The following LEPR variants were observed in gnomAD, a reference collection of about 807,000 sequenced individuals.
The protein encoded by LEPR is leptin receptor, also known as OB receptor.
Under a neutral mutation model 114.7 loss-of-function variants are expected in LEPR, and 56 were observed. The ratio of observed to expected loss-of-function variants is 0.49; its 90% CI spans 0.39 to 0.61. The LOEUF (loss-of-function observed/expected upper bound fraction) is 0.61, where lower values mean the gene tolerates loss of function less well. LEPR is among the 20% of genes least tolerant of loss of function. The probability of loss-of-function intolerance (pLI) is 0.00; values close to 1 mark genes in which losing one functional copy is unlikely to be tolerated. For missense variants in LEPR, 1,202 were observed against 1,352.9 expected, an observed-to-expected ratio of 0.89 and a Z score of 1.75; for synonymous variants, 443 against 461.4, an observed-to-expected ratio of 0.96 and a Z score of 0.51.
At position 65,434,729 on chromosome 1, in the gene LEPR, C is replaced by A. The variant is rs59422730; in HGVS notation, c.-21+9351C>A. Reference sequence around the variant, plus strand: ...TTTCACCTCCTAATGCCCTTGAGATCCAGGTACACTCCTGGGAGTTTTGTT... The same window carrying A: ...TTTCACCTCCTAATGCCCTTGAGATACAGGTACACTCCTGGGAGTTTTGTT... On this transcript the variant is annotated intron_variant, in intron 2 of 19. Transcript: ENST00000349533. 6.1e-6 allele frequency: 6 copies of A among 985,408 alleles called. No individual in the cohort carries two copies. The East Asian group carries it at 5.7e-4, about 93-fold the overall frequency. The allele number at this position is 985,408 out of a possible 1,614,324, so 61.0% of individuals were successfully genotyped here.
chr1:65,608,841 A>G lies in LEPR; in HGVS notation c.1692A>G (p.Pro564=). Reference sequence around the variant, plus strand: ...TATCTTGGGAAAAGCCAGTCTTTCCAGAGAATAACCTTCAATTCCAGATTC... The same window carrying G: ...TATCTTGGGAAAAGCCAGTCTTTCCGGAGAATAACCTTCAATTCCAGATTC... ...LKISWEKPVF[P]ENNLQFQIRY... is the part of the protein sequence containing the mutation. Residue 564 remains proline, a synonymous_variant, in exon 12 of 20, where the codon CCA becomes CCG. Coordinates refer to ENST00000349533, the MANE Select transcript of LEPR (RefSeq NM_002303.6). 28 of 1,613,830 alleles carry G rather than the reference A, an allele frequency of 1.7e-5. No homozygotes were observed. The highest frequency in any genetic ancestry group is 2.4e-5 in the Non-Finnish European group (28 of 1,179,848).
At chr1:65,500,827 A>C (rs1648411687) in intron 2 of LEPR, among the ~76,000 whole-genome samples, 1 of 152,096 alleles carries the variant, frequency 6.6e-6, no homozygotes, top group Non-Finnish European at 1.5e-5. Context: ...GTTCAACTAT[A>C]CCTTCCATTT....
chr1:65,449,684 CTT>C (rs370512340), intron 2 of LEPR, among the ~76,000 whole-genome samples: 3 of 139,892 alleles, frequency 2.1e-5, no homozygotes, highest in Non-Finnish European at 3.2e-5. Flanking sequence ...GCCTATTTAT[CTT>C]TTTTTTTTTT....
At chr1:65,423,505 G>T (rs1211825066) in intron 1 of LEPR, among the ~76,000 whole-genome samples, 2 of 152,180 alleles carry the variant, frequency 1.3e-5, no homozygotes, top group Admixed American at 6.5e-5. Flanking sequence ...ACTGCCGATG[G>T]TCAGGCACAG....
intron 2 of LEPR, chr1:65,434,494 A>T (rs1006852762): frequency 1.0e-6 from 1 of 985,136 alleles, no homozygotes; most frequent in Admixed American, 6.1e-5. Flanking sequence ...TTCCACAGAA[A>T]CAATACTATG....
intron 5 of LEPR, among the ~76,000 whole-genome samples, chr1:65,580,470 A>G (rs979251142): frequency 6.6e-6 from 1 of 152,272 alleles, no homozygotes; most frequent in African/African-American, 2.4e-5. Context: ...AACCATATAA[A>G]TATGTCCCTT....
chr1:65,549,356 G>A (rs1424676602), intron 2 of LEPR, among the ~76,000 whole-genome samples: 5 of 151,902 alleles, frequency 3.3e-5, no homozygotes, highest in African/African-American at 9.7e-5. Context: ...ATGTTGGCCT[G>A]CCTTGCTAGA....
chr1:65,617,827 C>A, intron 15 of LEPR, 137 bp from the exon 16 acceptor site: 1 of 816,242 alleles, frequency 1.2e-6, no homozygotes, highest in Non-Finnish European at 1.8e-6. Context: ...AAGTAATTGT[C>A]ATGTATCATA....
intron 2 of LEPR, among the ~76,000 whole-genome samples, chr1:65,489,029 A>C (rs1647726919): frequency 6.6e-6 from 1 of 152,232 alleles, no homozygotes; most frequent in African/African-American, 2.4e-5. Context: ...GTTGATGGAC[A>C]CTTAGGTTGA....
At chr1:65,421,210 C>A in intron 1 of LEPR, 1 of 1,093,114 alleles carries the variant, frequency 9.1e-7, no homozygotes, top group Non-Finnish European at 1.3e-6. Context: ...GCAGAGTTGA[C>A]CGCGGGCGGG....
At chr1:65,518,919 C>T (rs11809712) in intron 2 of LEPR, among the ~76,000 whole-genome samples, 151 of 75,984 alleles carry the variant, frequency 2.0e-3, no homozygotes, top group African/African-American at 7.5e-3. Flanking sequence ...CTTTCTTTCT[C>T]TCTTTCTCTG....
At chr1:65,567,021 A>G (rs1653814322) in intron 3 of LEPR, among the ~76,000 whole-genome samples, 1 of 152,172 alleles carries the variant, frequency 6.6e-6, no homozygotes. Flanking sequence ...GTTAGACTCT[A>G]GTGTTTTACA....
chr1:65,482,105 C>A lies in LEPR; in HGVS notation c.-21+56727C>A, dbSNP rs377099196. On this transcript the variant is annotated intron_variant, in intron 2 of 19. Transcript: ENST00000349533. ...AAATTAAAAGTTACAATTTAATTTACAATGGCAATTTTACACATACACACA... is the reference window on the plus strand; with the variant it reads ...AAATTAAAAGTTACAATTTAATTTAAAATGGCAATTTTACACATACACACA... 3.1e-5 allele frequency among the ~76,000 whole-genome samples: 4 copies of A among 130,968 alleles called. No individual in the cohort carries two copies. The South Asian group carries it at 1.0e-3, about 34-fold the overall frequency. The allele number at this position is 130,968 out of a possible 152,430, so 85.9% of individuals were successfully genotyped here.
At chr1:65,471,778 G>A (rs899966096) in intron 2 of LEPR, among the ~76,000 whole-genome samples, 4 of 152,168 alleles carry the variant, frequency 2.6e-5, no homozygotes, top group African/African-American at 9.6e-5. Flanking sequence ...TAGGGGAAGT[G>A]ATTTACAGGC....
chr1:65,565,696 A>T (rs1653686314), intron 3 of LEPR, 91 bp downstream of exon 3: 2 of 1,456,140 alleles, frequency 1.4e-6, no homozygotes, highest in Non-Finnish European at 9.6e-7. Context: ...TAGCTAACAG[A>T]ATTTCCTATT....
At chr1:65,499,861 A>G (rs1648352786) in intron 2 of LEPR, among the ~76,000 whole-genome samples, 1 of 152,118 alleles carries the variant, frequency 6.6e-6, no homozygotes, top group South Asian at 2.1e-4. Flanking sequence ...ATTTTCTAGA[A>G]AAGAGTTCAG....
At chr1:65,432,030 C>T (rs915418942) in intron 2 of LEPR, 2 of 1,435,234 alleles carry the variant, frequency 1.4e-6, no homozygotes, top group Admixed American at 2.7e-5. Flanking sequence ...TTTTTAATAC[C>T]TTTATATATC....
intron 2 of LEPR, among the ~76,000 whole-genome samples, chr1:65,425,677 G>A (rs1646348410): frequency 2.6e-5 from 4 of 152,226 alleles, no homozygotes. Context: ...GTGAGTGAGA[G>A]ACAGGCAAAC....
chr1:65,565,121 A>G lies in LEPR; in HGVS notation c.-20-425A>G, dbSNP rs551733250. 2.0e-5 allele frequency among the ~76,000 whole-genome samples: 3 copies of G among 152,320 alleles called. No homozygotes were observed. In the East Asian group the frequency reaches 5.8e-4, roughly 29 times the overall value. On this transcript the variant is annotated intron_variant, in intron 2 of 19. Coordinates refer to ENST00000349533, the MANE Select transcript of LEPR (RefSeq NM_002303.6). ...AATAATTATTTGGCCTTACAATATC[A>G]TAGTAAAGATAAAGACTTTAGAAAA...
Sources: allele counts gnomAD v4.1 joint callset (sites outside exome capture counted in the v4.1 genomes callset), GRCh38; gene constraint gnomAD v4.1.1; transcripts MANE v1.5; gene names NCBI Gene and HGNC (gene_info 2026-07-23, HGNC 2026-07-21).